The following HIF1A variants were observed in gnomAD, a reference collection of about 807,000 sequenced individuals.
The protein encoded by HIF1A is hypoxia inducible factor 1 subunit alpha, also known as hypoxia-inducible factor 1-alpha.
In HIF1A, 24 loss-of-function variants were observed where a neutral mutation model predicts 92.7. The observed-to-expected ratio is 0.26, with a 90% CI of 0.19 to 0.36. The LOEUF is 0.36. HIF1A is among the 10% of genes least tolerant of loss of function. HIF1A has a pLI of 1.00. For synonymous variants in HIF1A, 319 were observed against 338.7 expected, an observed-to-expected ratio of 0.94 and a Z score of 0.64; for missense variants, 799 against 998.5, an observed-to-expected ratio of 0.80 and a Z score of 2.69.
chr14:61,718,019 T>TAA (rs67584071), intron 1 of HIF1A, among the ~76,000 whole-genome samples: 1 of 144,452 alleles, frequency 6.9e-6, no homozygotes, highest in African/African-American at 2.6e-5. Context: ...AGAACTCCAT[T>TAA]AAAAAAAAAA....
rs998190711 is a variant in HIF1A, at chr14:61,736,823, A to G, written c.1029-66A>G. 5 of 1,097,058 alleles carry G rather than the reference A, an allele frequency of 4.6e-6. No individual in the cohort carries two copies. In the African/African-American group the frequency reaches 6.3e-5, roughly 14 times the overall value. 68.0% of individuals were successfully genotyped at this position (1,097,058 alleles called of 1,614,324 possible). A position where few individuals can be genotyped will look rare whatever the true frequency, so the allele number is the denominator to read the frequency against. Reference sequence around the variant, plus strand: ...AGAATTTTTTAAGAGACCATTTCACAGTCTCCCTTCCCCTCACTGTATCAA... The same window carrying G: ...AGAATTTTTTAAGAGACCATTTCACGGTCTCCCTTCCCCTCACTGTATCAA... On this transcript the variant is annotated intron_variant, in intron 8 of 14. Transcript: ENST00000337138.
At chr14:61,717,860 A>G (rs2044381415) in intron 1 of HIF1A, among the ~76,000 whole-genome samples, 1 of 129,196 alleles carries the variant, frequency 7.7e-6, no homozygotes, top group Non-Finnish European at 1.6e-5. Flanking sequence ...GTCTGTACTA[A>G]AAATACAAAA....
At chr14:61,717,551 A>C (rs1263740383) in intron 1 of HIF1A, among the ~76,000 whole-genome samples, 2 of 152,116 alleles carry the variant, frequency 1.3e-5, no homozygotes, top group Admixed American at 1.3e-4. Flanking sequence ...TCTTATTTTC[A>C]GTCTACACTA....
At chr14:61,737,852 C>G (rs965216946) in intron 9 of HIF1A, among the ~76,000 whole-genome samples, 1 of 152,008 alleles carries the variant, frequency 6.6e-6, no homozygotes, top group Non-Finnish European at 1.5e-5. Flanking sequence ...CATGGTGAAA[C>G]CCCGTCTCTA....
chr14:61,711,066 A>G (rs2044301517), intron 1 of HIF1A, among the ~76,000 whole-genome samples: 1 of 134,418 alleles, frequency 7.4e-6, no homozygotes, highest in Non-Finnish European at 1.6e-5. Context: ...AAAAAAAAAA[A>G]GGCAATAGGA....
rs973110354 is a variant in HIF1A, at chr14:61,747,864, T to G, written c.*779T>G. 1.3e-5 allele frequency: 2 copies of G among 152,644 alleles called. No homozygotes were observed. Among genetic ancestry groups the G allele is most frequent in the Non-Finnish European group, 2.9e-5 (2 of 67,962 alleles). 9.5% of individuals were successfully genotyped at this position (152,644 alleles called of 1,614,324 possible). On this transcript the variant is annotated 3_prime_UTR_variant, in exon 15 of 15. Coordinates refer to ENST00000337138, the MANE Select transcript of HIF1A (RefSeq NM_001530.4). ...GCCAGCTCAAAAGAAAACAATACCC[T>G]ATGTAGTTGTGGAAGTTTATGCTAA...
intron 12 of HIF1A, among the ~76,000 whole-genome samples, chr14:61,744,395 A>G (rs182958241): frequency 6.6e-6 from 1 of 151,892 alleles, no homozygotes; most frequent in Non-Finnish European, 1.5e-5. Context: ...TCATAATCCC[A>G]GCTACTTGAG....
chr14:61,740,767 G>A lies in HIF1A; in HGVS notation c.1672G>A (p.Asp558Asn). Residue 558 changes from aspartate to asparagine, a missense_variant, in exon 12 of 15, where the codon GAC (aspartate) becomes AAC (asparagine). Transcript: ENST00000337138. Reference sequence around the variant, plus strand: ...TGCTGTTTTAAAGGACACAGATTTAGACTTGGAGATGTTAGCTCCCTATAT... The same window carrying A: ...TGCTGTTTTAAAGGACACAGATTTAAACTTGGAGATGTTAGCTCCCTATAT... The part of the protein sequence containing the change: ...NPFSTQDTDL[D>N]LEMLAPYIPM... 1.2e-6 allele frequency: 2 copies of A among 1,611,928 alleles called. No individual in the cohort carries two copies. The highest frequency in any genetic ancestry group is 4.5e-5 in the East Asian group (2 of 44,878).
At chr14:61,705,954 A>G (rs923457969) in intron 1 of HIF1A, among the ~76,000 whole-genome samples, 3 of 152,126 alleles carry the variant, frequency 2.0e-5, no homozygotes, top group Admixed American at 6.5e-5. Flanking sequence ...ATTTCAATAC[A>G]TGTGTTTTTT....
At chr14:61,731,591 C>T (rs1404825203) in intron 6 of HIF1A, among the ~76,000 whole-genome samples, 1 of 151,316 alleles carries the variant, frequency 6.6e-6, no homozygotes, top group Non-Finnish European at 1.5e-5. Context: ...TGTAGATGCT[C>T]TTTGGTTGAT....
intron 2 of HIF1A, among the ~76,000 whole-genome samples, chr14:61,720,912 T>C (rs533317377): frequency 2.0e-5 from 3 of 152,230 alleles, no homozygotes; most frequent in South Asian, 2.1e-4. Flanking sequence ...CCCTCCCCCC[T>C]TTTTCTCCTG....
At chr14:61,702,290 A>AC (rs2044186481) in intron 1 of HIF1A, among the ~76,000 whole-genome samples, 1 of 149,508 alleles carries the variant, frequency 6.7e-6, no homozygotes, top group Admixed American at 6.7e-5. Context: ...AAAAAAAAAA[A>AC]AATAGCAGGA....
intron 13 of HIF1A, 47 bp downstream of exon 13, chr14:61,744,860 CGTGTGTGTGTGTGTGT>C (rs60361955): frequency 3.4e-5 from 18 of 531,600 alleles, no homozygotes; most frequent in Non-Finnish European, 5.2e-5. Flanking sequence ...TGTGCTATTT[CGTGTGTGTGTGTGTGT>C]GTGTGTGTGT....
At chr14:61,712,904 C>T (rs1485912184) in intron 1 of HIF1A, among the ~76,000 whole-genome samples, 5 of 147,442 alleles carry the variant, frequency 3.4e-5, no homozygotes, top group Non-Finnish European at 7.4e-5. Context: ...TTAATATAGC[C>T]AAATAACTAG....
chr14:61,746,999 G>T lies in HIF1A; in HGVS notation c.2395G>T (p.Asp799Tyr). 1 of 1,613,812 alleles carries T rather than the reference G, an allele frequency of 6.2e-7. No homozygotes were observed. Among genetic ancestry groups the T allele is most frequent in the Admixed American group, 1.7e-5 (1 of 60,002 alleles). Residue 799 changes from aspartate (D) to tyrosine (Y), a missense_variant, in exon 15 of 15, where the codon GAT (aspartate) becomes TAT (tyrosine). Asp to Tyr is a radical substitution (Grantham distance 160). This residue lies in a region of HIF1A where 283 missense variants were observed against 277.5 expected (regional missense o/e 1.02). Coordinates refer to ENST00000337138, the MANE Select transcript of HIF1A (RefSeq NM_001530.4). ...TGGATTACCACAGCTGACCAGTTAT[G>T]ATTGTGAAGTTAATGCTCCTATACA... Reference protein sequence around the residue: ...ESGLPQLTSYDCEVNAPIQGS... With the variant: ...ESGLPQLTSYYCEVNAPIQGS...
At chr14:61,701,117 T>G (rs1013519622) in intron 1 of HIF1A, among the ~76,000 whole-genome samples, 13 of 152,254 alleles carry the variant, frequency 8.5e-5, no homozygotes, top group Non-Finnish European at 1.2e-4. Context: ...TCTCTAAGAT[T>G]TAAAACAATA....
chr14:61,715,554 CATTT>C (rs1270711655), intron 1 of HIF1A: 1 of 152,096 alleles, frequency 6.6e-6, no homozygotes, highest in Non-Finnish European at 1.5e-5. Flanking sequence ...CAGGTTCTAC[CATTT>C]ATTAACGGAG....
chr14:61,728,602 T>C (rs1335945653), intron 6 of HIF1A, among the ~76,000 whole-genome samples: 1 of 152,230 alleles, frequency 6.6e-6, no homozygotes, highest in African/African-American at 2.4e-5. Context: ...CATCTGTAAC[T>C]TTTCTTTTAC....
At position 61,745,001 on chromosome 14, in the gene HIF1A, A is replaced by G. The variant is rs192499018; in HGVS notation, c.2202+188A>G. 3.8e-4 allele frequency among the ~76,000 whole-genome samples: 58 copies of G among 152,304 alleles called. No individual in the cohort carries two copies. The East Asian group carries it at 6.0e-3, about 16-fold the overall frequency. ...AAAAATACAAATGTTTAATACATAC[A>G]TTCTTGGTATAAAAATTCCAAACAA... On this transcript the variant is annotated intron_variant, in intron 13 of 14. Transcript: ENST00000337138.
Sources: gnomAD v4.1 joint callset for allele counts (sites outside exome capture counted in the v4.1 genomes callset) on GRCh38, gnomAD v4.1.1 for gene constraint, gnomAD v4.1.1 regional missense constraint, MANE v1.5 for transcripts, NCBI Gene and HGNC (gene_info 2026-07-23, HGNC 2026-07-21) for gene names.